The following RBL2 variants were observed in gnomAD, a reference collection of about 807,000 sequenced individuals.
RBL2 encodes retinoblastoma-like protein 2.
In RBL2, 56 loss-of-function variants were observed where a neutral mutation model predicts 126.0. The observed-to-expected ratio is 0.44, with a 90% CI of 0.36 to 0.56. The LOEUF (loss-of-function observed/expected upper bound fraction) is 0.56. Ranked by LOEUF, RBL2 falls within the 20% of genes least tolerant of loss-of-function variation. The probability of loss-of-function intolerance (pLI) is 0.00; values close to 1 mark genes in which losing one functional copy is unlikely to be tolerated. For synonymous variants in RBL2, 454 were observed against 478.5 expected (o/e 0.95, Z 0.67); for missense variants, 1,229 against 1,398.2 (o/e 0.88, Z 1.93).
intron 17 of RBL2, among the ~76,000 whole-genome samples, chr16:53,475,951 CT>C (rs1960714453): frequency 7.0e-6 from 1 of 142,748 alleles, no homozygotes; most frequent in Non-Finnish European, 1.5e-5. Flanking sequence ...CTTCCCTAAG[CT>C]TCCTGAGTAG....
intron 21 of RBL2, chr16:53,487,529 T>C (rs1209427131): frequency 6.6e-6 from 1 of 152,186 alleles, no homozygotes; most frequent in Non-Finnish European, 1.5e-5. Flanking sequence ...CCCTGCACTA[T>C]ATACAAAAAC....
At chr16:53,473,888 T>C (rs967033035) in intron 17 of RBL2, among the ~76,000 whole-genome samples, 3 of 152,156 alleles carry the variant, frequency 2.0e-5, no homozygotes, top group African/African-American at 4.8e-5. Context: ...TGTGTGTCCA[T>C]TGAGATGATC....
At chr16:53,489,266 A>G (rs1337478770) in intron 21 of RBL2, 1 of 152,208 alleles carries the variant, frequency 6.6e-6, no homozygotes, top group Admixed American at 6.5e-5. Flanking sequence ...CTGGCCAAAC[A>G]TGCTGAAGTA....
At chr16:53,474,728 G>A (rs73608329) in intron 17 of RBL2, among the ~76,000 whole-genome samples, 2,282 of 152,274 alleles carry the variant, frequency 0.015, 25 homozygotes, top group Middle Eastern at 0.034. Context: ...AGCAGTGATT[G>A]CTAAGGAATT....
At chr16:53,444,509 C>T (rs778118675) in intron 3 of RBL2, among the ~76,000 whole-genome samples, 20 of 151,472 alleles carry the variant, frequency 1.3e-4, no homozygotes, top group Admixed American at 6.6e-4. Flanking sequence ...GCCGAGATCA[C>T]GCCACTGCAC....
intron 20 of RBL2, 58 bp downstream of exon 20, chr16:53,480,827 T>A (rs1391057912): frequency 2.0e-6 from 3 of 1,511,800 alleles, no homozygotes; most frequent in Non-Finnish European, 2.7e-6. Context: ...GAGGAATCAT[T>A]TATGATTTAT....
At chr16:53,478,111 G>T (rs535267391) in intron 17 of RBL2, among the ~76,000 whole-genome samples, 1 of 152,210 alleles carries the variant, frequency 6.6e-6, no homozygotes, top group African/African-American at 2.4e-5. Context: ...TTTAATACTG[G>T]ATTCTTAGTT....
At chr16:53,439,473 A>G (rs1436772284) in intron 2 of RBL2, among the ~76,000 whole-genome samples, 1 of 152,216 alleles carries the variant, frequency 6.6e-6, no homozygotes, top group Non-Finnish European at 1.5e-5. Flanking sequence ...CCAAGTTGAA[A>G]AGGTAAATAA....
chr16:53,474,851 T>C (rs1028139281), intron 17 of RBL2, among the ~76,000 whole-genome samples: 3 of 152,196 alleles, frequency 2.0e-5, no homozygotes, highest in Non-Finnish European at 2.9e-5. Flanking sequence ...TGTTCTCTTC[T>C]ATATTTAGGT....
chr16:53,438,517 C>G (rs2057980782), intron 1 of RBL2, among the ~76,000 whole-genome samples: 4 of 152,074 alleles, frequency 2.6e-5, no homozygotes. Context: ...CTCTCTACCT[C>G]TCAGTGGAAT....
chr16:53,440,554 T>C (rs1016718219), intron 2 of RBL2, among the ~76,000 whole-genome samples: 1 of 152,158 alleles, frequency 6.6e-6, no homozygotes, highest in Admixed American at 6.5e-5. Context: ...AAAGATAACA[T>C]TTCATTCTGT....
At position 53,439,077 on chromosome 16, in the gene RBL2, C is replaced by A; in HGVS notation, c.302C>A (p.Thr101Asn). Residue 101 changes from threonine to asparagine, a missense_variant, in exon 2 of 22, where the codon ACT becomes AAT. Around this residue, in one of 2 missense-constraint regions of RBL2, gnomAD observed 1,070 missense variants for 1,274.3 expected, o/e 0.84. Transcript: ENST00000262133. ...LYVACRKSVP[T>N]VSKGTVEGNY... ...GTGGCTTGCAGAAAATCTGTTCCAA[C>A]TGTAAGCAAAGGGACAGTGGAAGGA... The A allele has an allele frequency of 1.2e-6, 2 of 1,608,778 alleles. No individual in the cohort carries two copies. The highest frequency in any genetic ancestry group is 8.5e-7 in the Non-Finnish European group (1 of 1,177,420).
At chr16:53,465,062 G>C (rs2058260273) in intron 12 of RBL2, among the ~76,000 whole-genome samples, 1 of 152,118 alleles carries the variant, frequency 6.6e-6, no homozygotes. Flanking sequence ...CAGAGTGCTG[G>C]GATTACAGGC....
Position 53,454,697 on chromosome 16 carries a change from T to C in RBL2, c.1034T>C (p.Val345Ala), listed in dbSNP as rs775709596. 4 of 1,613,868 alleles carry C rather than the reference T, an allele frequency of 2.5e-6. No individual in the cohort carries two copies. Among genetic ancestry groups the C allele is most frequent in the African/African-American group, 2.7e-5 (2 of 74,928 alleles). The change falls in exon 8 of 22, where the codon GTT becomes GCT. Residue 345 changes from valine to alanine, a missense_variant. Around this residue, in one of 2 missense-constraint regions of RBL2, gnomAD observed 1,070 missense variants for 1,274.3 expected, o/e 0.84. Coordinates refer to ENST00000262133, the MANE Select transcript of RBL2 (RefSeq NM_005611.4). Reference sequence around the variant, plus strand: ...GCCTATGAGGAGTATGTTTTATCTGTTGGGAATTTAGATGAGCGGATATTT... The same window carrying C: ...GCCTATGAGGAGTATGTTTTATCTGCTGGGAATTTAGATGAGCGGATATTT... ...NKAYEEYVLS[V>A]GNLDERIFLG...
At chr16:53,454,485 G>A (rs1043708338) in intron 7 of RBL2, 171 bp from the exon 8 acceptor site, 22 of 596,774 alleles carry the variant, frequency 3.7e-5, no homozygotes, top group Non-Finnish European at 6.0e-5. Flanking sequence ...TTACAGACGG[G>A]AGCTACTGCA....
chr16:53,441,107 A>G (rs959323778), intron 2 of RBL2, among the ~76,000 whole-genome samples: 1 of 151,678 alleles, frequency 6.6e-6, no homozygotes, highest in Non-Finnish European at 1.5e-5. Context: ...ATAAAGGCAC[A>G]TACCACTATA....
At chr16:53,446,970 T>C in intron 3 of RBL2, 72 bp from the exon 4 acceptor site, 1 of 910,778 alleles carries the variant, frequency 1.1e-6, no homozygotes, top group South Asian at 2.0e-5. Flanking sequence ...TTACACCTGA[T>C]TTATAATCAT....
chr16:53,464,438 A>G, intron 12 of RBL2, 75 bp downstream of exon 12: 1 of 1,237,296 alleles, frequency 8.1e-7, no homozygotes, highest in Non-Finnish European at 1.1e-6. Flanking sequence ...ATTTAGTTCA[A>G]GTTAACATCT....
intron 17 of RBL2, among the ~76,000 whole-genome samples, chr16:53,476,313 T>C (rs1383495702): frequency 6.6e-6 from 1 of 152,224 alleles, no homozygotes; most frequent in Non-Finnish European, 1.5e-5. Flanking sequence ...TTCCCAAATT[T>C]GTTACTGATT....
Sources: allele counts gnomAD v4.1 joint callset (sites outside exome capture counted in the v4.1 genomes callset), GRCh38; gene constraint gnomAD v4.1.1; regional missense constraint gnomAD v4.1.1; transcripts MANE v1.5; gene names NCBI Gene and HGNC (gene_info 2026-07-23, HGNC 2026-07-21).